Variants in SP140L observed in about 807,000 individuals in gnomAD.
SP140L encodes nuclear body protein SP140-like protein.
Under a neutral mutation model 84.3 loss-of-function variants are expected in SP140L, and 64 were observed. The ratio of observed to expected loss-of-function variants is 0.76; its 90% CI spans 0.62 to 0.94. The LOEUF (loss-of-function observed/expected upper bound fraction) is 0.94. SP140L is among the 40% of genes least tolerant of loss of function. The pLI is 0.00. For missense variants in SP140L, 628 were observed against 692.5 expected (o/e 0.91, Z 1.05); for synonymous variants, 242 against 236.9 (o/e 1.02, Z -0.20).
intron 7 of SP140L, among the ~76,000 whole-genome samples, chr2:230,373,671 G>A (rs1237120315): frequency 6.6e-6 from 1 of 152,204 alleles, no homozygotes; most frequent in Non-Finnish European, 1.5e-5. Flanking sequence ...GGTGATTAAT[G>A]CTATTTCCAT....
intron 7 of SP140L, among the ~76,000 whole-genome samples, chr2:230,382,170 A>G (rs1007879692): frequency 1.7e-5 from 1 of 58,818 alleles, no homozygotes; most frequent in Non-Finnish European, 4.0e-5. Flanking sequence ...TCACCCCCCC[A>G]CCCACCCCAA....
At chr2:230,386,283 G>C (rs74894876) in intron 9 of SP140L, among the ~76,000 whole-genome samples, 1 of 152,080 alleles carries the variant, frequency 6.6e-6, no homozygotes. Context: ...TCTCAATTTT[G>C]CCAGTGAAAC....
intron 11 of SP140L, 29 bp from the exon 12 acceptor site, chr2:230,392,058 C>T: frequency 6.2e-7 from 1 of 1,613,010 alleles, no homozygotes; most frequent in Middle Eastern, 1.7e-4. Flanking sequence ...ACAAAGAGGG[C>T]TCAGGATCAA....
At chr2:230,389,870 G>C in intron 10 of SP140L, 49 bp from the exon 11 acceptor site, 1 of 1,554,184 alleles carries the variant, frequency 6.4e-7, no homozygotes, top group Non-Finnish European at 8.9e-7. Context: ...TGGGAAGGGG[G>C]GATGTGCCTT....
intron 5 of SP140L, among the ~76,000 whole-genome samples, chr2:230,363,905 A>T (rs1339465828): frequency 3.3e-5 from 5 of 152,148 alleles, no homozygotes; most frequent in African/African-American, 1.2e-4. Flanking sequence ...AGTTGTCCCA[A>T]CATCATTTAT....
chr2:230,362,328 G>C (rs2060744254), intron 5 of SP140L, among the ~76,000 whole-genome samples: 1 of 152,154 alleles, frequency 6.6e-6, no homozygotes, highest in Non-Finnish European at 1.5e-5. Context: ...TAGGAGCTCT[G>C]GCCAGGAGCA....
intron 2 of SP140L, among the ~76,000 whole-genome samples, chr2:230,337,758 TC>T (rs2059920403): frequency 6.6e-6 from 1 of 151,876 alleles, no homozygotes; most frequent in South Asian, 2.1e-4. Flanking sequence ...GGGAATCCTT[TC>T]CCCATTGCTT....
chr2:230,366,773 ACCCAGGCTAGAT>A (rs2060891457), intron 5 of SP140L, among the ~76,000 whole-genome samples: 1 of 150,242 alleles, frequency 6.7e-6, no homozygotes, highest in South Asian at 2.1e-4. Context: ...TCACTCTGTC[ACCCAGGCTAGAT>A]TGCAGTGGCA....
intron 2 of SP140L, among the ~76,000 whole-genome samples, chr2:230,351,920 T>C (rs1392412272): frequency 1.3e-5 from 2 of 152,246 alleles, no homozygotes; most frequent in African/African-American, 4.8e-5. Context: ...GTGCTGGGAC[T>C]ACAGGCATTA....
chr2:230,385,197 A>G (rs754906710), intron 8 of SP140L, 27 bp from the exon 9 acceptor site: 2 of 1,611,188 alleles, frequency 1.2e-6, no homozygotes, highest in South Asian at 2.2e-5. Context: ...CAGTTCTATT[A>G]ATACATTTTC....
chr2:230,396,037 C>T (rs903603844), intron 13 of SP140L, among the ~76,000 whole-genome samples: 1 of 152,178 alleles, frequency 6.6e-6, no homozygotes, highest in African/African-American at 2.4e-5. Context: ...GCCCTGTGGT[C>T]CCTGTAGGCT....
At chr2:230,384,710 G>T (rs1365202671) in intron 8 of SP140L, among the ~76,000 whole-genome samples, 3 of 152,204 alleles carry the variant, frequency 2.0e-5, no homozygotes, top group South Asian at 4.1e-4. Context: ...GTTGGAGTTC[G>T]AGAACAGCCT....
chr2:230,384,687 T>G (rs2061515406), intron 8 of SP140L, among the ~76,000 whole-genome samples: 1 of 152,114 alleles, frequency 6.6e-6, no homozygotes, highest in Admixed American at 6.5e-5. Context: ...CTGAGGCGGA[T>G]GGATCACTTG....
Position 230,385,720 on chromosome 2 carries a change from T to A in SP140L, c.784+416T>A, listed in dbSNP as rs116368653. On this transcript the variant is annotated intron_variant, in intron 9 of 18. Transcript: ENST00000415673. Reference sequence around the variant, plus strand: ...TTCCCTTTTCACAACAATAAGAGTCTCATTTCAGTAATTGAGAGTCTTTCT... The same window carrying A: ...TTCCCTTTTCACAACAATAAGAGTCACATTTCAGTAATTGAGAGTCTTTCT... Among the ~76,000 whole-genome samples, 1,393 of 152,312 alleles carry A rather than the reference T, an allele frequency of 9.1e-3. 24 individuals carry two copies. Among genetic ancestry groups the A allele is most frequent in the African/African-American group, 0.032 (1,333 of 41,546 alleles).
chr2:230,354,916 A>AG (rs2060494065), intron 2 of SP140L, among the ~76,000 whole-genome samples: 3 of 146,456 alleles, frequency 2.0e-5, no homozygotes, highest in East Asian at 4.1e-4. Flanking sequence ...AAGAAGAAAG[A>AG]AAAAGAAAGA....
chr2:230,374,902 GCTTTA>G (rs142047884), intron 7 of SP140L, among the ~76,000 whole-genome samples: 1 of 152,202 alleles, frequency 6.6e-6, no homozygotes, highest in East Asian at 1.9e-4. Context: ...ATTGTGTCTT[GCTTTA>G]TTGCAATATT....
chr2:230,339,369 T>C lies in SP140L; in HGVS notation c.107+10538T>C, dbSNP rs1315037385. Among the ~76,000 whole-genome samples, 274 of 151,818 alleles carry C rather than the reference T, an allele frequency of 1.8e-3. 1 individual carries two copies. The highest frequency in any genetic ancestry group is 6.3e-3 in the African/African-American group (263 of 41,444). On this transcript the variant is annotated intron_variant, in intron 2 of 18. Coordinates refer to ENST00000415673, the MANE Select transcript of SP140L (RefSeq NM_138402.6). The stretch of plus-strand genomic sequence containing the variant: ...CCCCTTTATCATTTTTTATTGCGTC[T>C]ATTTGATTCTTCTCTCTTTTTTTCT...
chr2:230,398,349 A>G (rs2062148971), intron 14 of SP140L, among the ~76,000 whole-genome samples: 1 of 152,242 alleles, frequency 6.6e-6, no homozygotes. Flanking sequence ...CAGGCCAACA[A>G]CTAAAGAACC....
intron 2 of SP140L, among the ~76,000 whole-genome samples, chr2:230,332,740 A>T (rs2059760856): frequency 6.6e-6 from 1 of 152,294 alleles, no homozygotes; most frequent in Non-Finnish European, 1.5e-5. Flanking sequence ...GCAGAATTCT[A>T]AAATTCTTCT....
Sources: gnomAD v4.1 joint callset for allele counts (sites outside exome capture counted in the v4.1 genomes callset) on GRCh38, gnomAD v4.1.1 for gene constraint, MANE v1.5 for transcripts, NCBI Gene and HGNC (gene_info 2026-07-23, HGNC 2026-07-21) for gene names.